SEC24B: variants seen among roughly 807,000 people sequenced by gnomAD.
SEC24B encodes the protein protein transport protein Sec24B.
Under a neutral mutation model 142.8 loss-of-function variants are expected in SEC24B, and 45 were observed. The ratio of observed to expected loss-of-function variants is 0.32; its 90% confidence interval spans 0.25 to 0.40. The LOEUF (loss-of-function observed/expected upper bound fraction) is 0.40, where lower values mean the gene tolerates loss of function less well. Ranked by LOEUF, SEC24B falls within the 10% of genes least tolerant of loss-of-function variation. The pLI is 1.00. For synonymous variants in SEC24B, 574 were observed against 568.2 expected (o/e 1.01, Z -0.15); for missense variants, 1,409 against 1,526.8 (o/e 0.92, Z 1.29).
intron 2 of SEC24B, among the ~76,000 whole-genome samples, chr4:109,467,071 A>G (rs896840063): frequency 2.6e-5 from 4 of 151,866 alleles, no homozygotes; most frequent in Non-Finnish European, 4.4e-5. Context: ...TCACGCCTGT[A>G]ATCCCAGCAC....
chr4:109,519,059 G>A (rs1420380315), intron 11 of SEC24B, among the ~76,000 whole-genome samples: 5 of 151,842 alleles, frequency 3.3e-5, no homozygotes, highest in Admixed American at 2.6e-4. Context: ...CACCCACCTC[G>A]GCCTCCCAAA....
intron 4 of SEC24B, among the ~76,000 whole-genome samples, chr4:109,483,857 G>A (rs1160376665): frequency 6.6e-6 from 1 of 152,032 alleles, no homozygotes; most frequent in Non-Finnish European, 1.5e-5. Flanking sequence ...CCGCATGTAC[G>A]CTTTACCCAG....
intron 16 of SEC24B, 124 bp downstream of exon 16, chr4:109,525,628 T>C (rs1724141763): frequency 3.6e-6 from 2 of 552,502 alleles, no homozygotes; most frequent in South Asian, 1.0e-4. Context: ...AGCTATACCA[T>C]GTTTTAAATA....
chr4:109,496,637 C>T (rs1735571195), intron 6 of SEC24B, among the ~76,000 whole-genome samples: 1 of 152,042 alleles, frequency 6.6e-6, no homozygotes, highest in Non-Finnish European at 1.5e-5. Context: ...ACCAAGAGCC[C>T]ATCTTGAGCA....
chr4:109,514,762 C>T (rs907525028), intron 10 of SEC24B, among the ~76,000 whole-genome samples: 11 of 152,272 alleles, frequency 7.2e-5, no homozygotes, highest in Non-Finnish European at 1.0e-4. Context: ...CCTTGTTGTC[C>T]GCAAAACTTA....
chr4:109,484,710 G>C (rs898705200), intron 4 of SEC24B, among the ~76,000 whole-genome samples: 1 of 152,146 alleles, frequency 6.6e-6, no homozygotes, highest in Admixed American at 6.5e-5. Flanking sequence ...AAATTAGCCA[G>C]GTGTGGTGGC....
chr4:109,466,484 C>T (rs1322318929), intron 2 of SEC24B, among the ~76,000 whole-genome samples: 1 of 152,228 alleles, frequency 6.6e-6, no homozygotes, highest in South Asian at 2.1e-4. Flanking sequence ...CATCTCAGCT[C>T]ACTGCAAGCT....
intron 1 of SEC24B, among the ~76,000 whole-genome samples, chr4:109,437,197 G>C (rs1001286741): frequency 2.0e-5 from 3 of 152,268 alleles, no homozygotes; most frequent in South Asian, 2.1e-4. Flanking sequence ...GTTGGTGTCT[G>C]TTGGGGAAAA....
At chr4:109,480,495 T>C (rs1733627706) in intron 3 of SEC24B, among the ~76,000 whole-genome samples, 1 of 152,230 alleles carries the variant, frequency 6.6e-6, no homozygotes, top group Non-Finnish European at 1.5e-5. Flanking sequence ...TTCTTTTTCT[T>C]TTTCTGAGAT....
chr4:109,437,426 G>T (rs1416511984), intron 1 of SEC24B, among the ~76,000 whole-genome samples: 6 of 151,924 alleles, frequency 3.9e-5, no homozygotes, highest in Non-Finnish European at 7.4e-5. Context: ...TAGGACTATA[G>T]GCATGCACTA....
At chr4:109,518,803 CTTTTTTTTTTTT>C (rs770507485) in intron 11 of SEC24B, among the ~76,000 whole-genome samples, 6 of 117,888 alleles carry the variant, frequency 5.1e-5, no homozygotes, top group Non-Finnish European at 1.1e-4. Flanking sequence ...ATGTTTCTGT[CTTTTTTTTTTTT>C]TTTTTTTTTG....
intron 1 of SEC24B, among the ~76,000 whole-genome samples, chr4:109,457,060 A>G (rs1730761349): frequency 6.6e-6 from 1 of 152,144 alleles, no homozygotes; most frequent in African/African-American, 2.4e-5. Context: ...TTGTCAACAC[A>G]GTGAAAAAGG....
Position 109,521,554 on chromosome 4 carries a change from G to T in SEC24B, c.2436G>T (p.Gln812His). 1 of 1,614,122 alleles carries T rather than the reference G, an allele frequency of 6.2e-7. No homozygotes were observed. Among genetic ancestry groups the T allele is most frequent in the South Asian group, 1.1e-5 (1 of 91,066 alleles). The change falls in exon 14 of 24, where the codon CAG (glutamine) becomes CAT (histidine). Residue 812 changes from glutamine (Q) to histidine (H), a missense_variant. Physicochemically the swap from Gln to His is conservative, Grantham distance 24. Transcript: ENST00000265175. ...SPTGGRVSVF[Q>H]TQLPSLGAGL... is the part of the protein sequence containing the mutation. ...CAGGTGGCCGTGTGTCTGTATTTCA[G>T]ACACAGTTACCTTCCTTGGGTGCAG...
At chr4:109,458,406 T>G (rs1485534246) in intron 1 of SEC24B, among the ~76,000 whole-genome samples, 1 of 152,172 alleles carries the variant, frequency 6.6e-6, no homozygotes, top group Non-Finnish European at 1.5e-5. Flanking sequence ...TCTACCTCCC[T>G]TATTGCTGGG....
chr4:109,486,515 C>T (rs1466425727), intron 4 of SEC24B, among the ~76,000 whole-genome samples: 1 of 152,166 alleles, frequency 6.6e-6, no homozygotes, highest in Non-Finnish European at 1.5e-5. Flanking sequence ...CTTTAGATTT[C>T]AGCTCCCTCT....
intron 6 of SEC24B, among the ~76,000 whole-genome samples, chr4:109,506,091 GA>G (rs1348956927): frequency 2.0e-5 from 3 of 152,100 alleles, no homozygotes; most frequent in South Asian, 2.1e-4. Flanking sequence ...TGCTCATGTT[GA>G]AAAGCATTGT....
intron 1 of SEC24B, among the ~76,000 whole-genome samples, chr4:109,454,311 G>A (rs1312398824): frequency 6.6e-6 from 1 of 152,056 alleles, no homozygotes; most frequent in African/African-American, 2.4e-5. Flanking sequence ...GGCCGAGGCA[G>A]GAGGATTGCC....
Position 109,469,794 on chromosome 4 carries a change from G to T in SEC24B, c.878-3210G>T, listed in dbSNP as rs1301536311. On this transcript the variant is annotated intron_variant, in intron 2 of 23. Transcript: ENST00000265175. ...GCCACAAAGGGTAAACATGATAAAC[G>T]CAACTCATTTCTAATTTAAAACTTT... Among the ~76,000 whole-genome samples the T allele has an allele frequency of 2.0e-5, 3 of 152,052 alleles. No individual in the cohort carries two copies. The Middle Eastern group carries it at 0.01, about 517-fold the overall frequency.
intron 1 of SEC24B, among the ~76,000 whole-genome samples, chr4:109,445,242 G>GTTTTTTTT (rs70949078): frequency 8.9e-6 from 1 of 112,780 alleles, no homozygotes; most frequent in Non-Finnish European, 1.8e-5. Context: ...TTCTTTCTTT[G>GTTTTTTTT]TTTTTTTTTT....
Sources: allele counts gnomAD v4.1 joint callset (sites outside exome capture counted in the v4.1 genomes callset), GRCh38; gene constraint gnomAD v4.1.1; transcripts MANE v1.5; gene names NCBI Gene and HGNC (gene_info 2026-07-23, HGNC 2026-07-21).